Variants in HERC6 observed in about 807,000 individuals in gnomAD.
HERC6 encodes the protein probable E3 ubiquitin-protein ligase HERC6.
A neutral mutation model predicts 114.5 loss-of-function variants in HERC6; 101 were observed. That is an observed-to-expected ratio of 0.88 (90% CI 0.75 to 1.04). The LOEUF (loss-of-function observed/expected upper bound fraction) is 1.04, where lower values mean the gene tolerates loss of function less well. HERC6 is among the 50% of genes least tolerant of loss of function. The probability of loss-of-function intolerance (pLI) is 0.00; values close to 1 mark genes in which losing one functional copy is unlikely to be tolerated. For synonymous variants in HERC6, 408 were observed against 436.2 expected, an observed-to-expected ratio of 0.94 and a Z score of 0.81; for missense variants, 1,133 against 1,230.9, an observed-to-expected ratio of 0.92 and a Z score of 1.19.
chr4:88,382,429 G>A (rs987812613), intron 1 of HERC6, among the ~76,000 whole-genome samples: 5 of 152,116 alleles, frequency 3.3e-5, no homozygotes, highest in African/African-American at 1.2e-4. Context: ...ATTTCCTTCT[G>A]AGCAAGGGAT....
intron 3 of HERC6, 147 bp downstream of exon 3, chr4:88,385,722 C>A: frequency 1.8e-6 from 1 of 568,398 alleles, no homozygotes; most frequent in Non-Finnish European, 3.1e-6. Context: ...CTATTTTTTT[C>A]TCAAATTTCT....
chr4:88,407,271 G>C (rs752729353), intron 10 of HERC6, among the ~76,000 whole-genome samples: 1 of 151,066 alleles, frequency 6.6e-6, no homozygotes, highest in East Asian at 2.0e-4. Flanking sequence ...GTAGAGACAG[G>C]GTTTCACCAC....
intron 3 of HERC6, among the ~76,000 whole-genome samples, chr4:88,386,095 A>T (rs1734560470): frequency 2.0e-5 from 3 of 151,718 alleles, no homozygotes; most frequent in African/African-American, 7.3e-5. Context: ...AGGAGGAAAA[A>T]TTTTTCCTCT....
intron 1 of HERC6, among the ~76,000 whole-genome samples, chr4:88,379,911 A>T (rs1441531856): frequency 3.4e-4 from 7 of 20,430 alleles, no homozygotes; most frequent in Non-Finnish European, 3.5e-4. Context: ...AATATATATA[A>T]TATATAAATA....
chr4:88,430,004 A>T (rs1738022478), intron 16 of HERC6, among the ~76,000 whole-genome samples: 1 of 152,190 alleles, frequency 6.6e-6, no homozygotes, highest in South Asian at 2.1e-4. Flanking sequence ...AATGAGCAGA[A>T]ATAGGAAAAT....
In HERC6 at chr4:88,393,582, G is replaced by T. The variant is rs1387242071; in HGVS notation, c.759G>T (p.Gln253His). The change falls in exon 5 of 23, where the codon CAG becomes CAT. Residue 253 changes from glutamine to histidine, a missense_variant and splice_region_variant. Physicochemically the swap from Gln to His is conservative, Grantham distance 24. Around this residue, in one of 3 missense-constraint regions of HERC6, gnomAD observed 735 missense variants for 754.0 expected, o/e 0.97. Transcript: ENST00000264346. ...CGDAHTAVLT[Q>H]DGKVFTFGDN... is the part of the protein sequence containing the mutation. ...ATGCACACACTGCGGTGCTTACCCAGGTAATCCAAAACGTGTTGCTATTTT... is the reference window on the plus strand; with the variant it reads ...ATGCACACACTGCGGTGCTTACCCATGTAATCCAAAACGTGTTGCTATTTT... 3 of 1,600,086 alleles carry T rather than the reference G, an allele frequency of 1.9e-6. No homozygotes were observed. Among genetic ancestry groups the T allele is most frequent in the Non-Finnish European group, 2.6e-6 (3 of 1,168,876 alleles).
At chr4:88,424,324 C>T (rs142696133) in intron 14 of HERC6, among the ~76,000 whole-genome samples, 3 of 151,914 alleles carry the variant, frequency 2.0e-5, no homozygotes, top group Non-Finnish European at 2.9e-5. Context: ...CTGTCTCTAT[C>T]GAAAAAATAC....
chr4:88,394,536 T>TTAC (rs903403078), intron 5 of HERC6, among the ~76,000 whole-genome samples: 4 of 148,670 alleles, frequency 2.7e-5, no homozygotes, highest in African/African-American at 9.9e-5. Context: ...GCAATTATTA[T>TTAC]TATTATTATT....
At chr4:88,429,123 G>A (rs1049383622) in intron 16 of HERC6, among the ~76,000 whole-genome samples, 1 of 152,216 alleles carries the variant, frequency 6.6e-6, no homozygotes, top group African/African-American at 2.4e-5. Context: ...TCTGGGAGTT[G>A]GCTAGGGACT....
intron 14 of HERC6, 90 bp downstream of exon 14, chr4:88,424,063 C>T: frequency 3.2e-6 from 2 of 628,800 alleles, no homozygotes; most frequent in East Asian, 6.9e-5. Flanking sequence ...TTTGATAAAT[C>T]AGGATTTGAA....
chr4:88,429,130 G>C (rs1317748732), intron 16 of HERC6, among the ~76,000 whole-genome samples: 1 of 152,210 alleles, frequency 6.6e-6, no homozygotes, highest in Non-Finnish European at 1.5e-5. Context: ...GTTGGCTAGG[G>C]ACTGGCTGAC....
chr4:88,430,805 T>C (rs368054084), intron 16 of HERC6, among the ~76,000 whole-genome samples: 2 of 152,062 alleles, frequency 1.3e-5, no homozygotes, highest in South Asian at 2.1e-4. Context: ...AATGATGAGA[T>C]GGACAACAAG....
rs1235796408 is a variant in HERC6, at chr4:88,413,302, T to C, written c.1558+36T>C. The C allele has an allele frequency of 8.0e-6, 12 of 1,495,154 alleles. No homozygotes were observed. The Admixed American group carries it at 1.4e-4, about 17-fold the overall frequency. The allele number at this position is 1,495,154 out of a possible 1,614,324, so 92.6% of individuals were successfully genotyped here. ...TGTCACTTTATCTGTACTCTCAATA[T>C]AGAGTCACTCTCTGAAGTAGACGTT... On this transcript the variant is annotated intron_variant, in intron 12 of 22. Transcript: ENST00000264346.
At chr4:88,384,170 C>T (rs921972993) in intron 2 of HERC6, among the ~76,000 whole-genome samples, 1 of 152,144 alleles carries the variant, frequency 6.6e-6, no homozygotes, top group South Asian at 2.1e-4. Flanking sequence ...ATCAAAAAGC[C>T]CAATAGAACC....
intron 2 of HERC6, among the ~76,000 whole-genome samples, chr4:88,384,364 GT>G (rs1178609296): frequency 6.6e-6 from 1 of 152,168 alleles, no homozygotes; most frequent in Non-Finnish European, 1.5e-5. Context: ...TGGAAGAGAA[GT>G]TTTTTTCTCA....
At chr4:88,441,336 T>C (rs1168971178) in intron 22 of HERC6, among the ~76,000 whole-genome samples, 4 of 152,252 alleles carry the variant, frequency 2.6e-5, no homozygotes, top group African/African-American at 9.6e-5. Flanking sequence ...TTTGTATCTA[T>C]TACCTACCTT....
At chr4:88,400,328 A>T (rs1735465823) in intron 8 of HERC6, among the ~76,000 whole-genome samples, 1 of 152,112 alleles carries the variant, frequency 6.6e-6, no homozygotes, top group Non-Finnish European at 1.5e-5. Flanking sequence ...CAGCCTCCCG[A>T]GTAGCCAGGG....
rs111670008 is a variant in HERC6, at chr4:88,378,949, A to G, written c.28A>G (p.Arg10Gly). MYFCWGADS[R>G]ELQRRRTAGS... is the part of the protein sequence containing the mutation. ...GTACTTCTGTTGGGGCGCCGACTCC[A>G]GGGAGCTGCAGCGCCGGAGGACGGC... is the stretch of plus-strand genomic sequence containing the variant. Residue 10 changes from arginine (R) to glycine (G), a missense_variant, in exon 1 of 23, where the codon AGG becomes GGG. By Grantham distance (125) the Arg-to-Gly change is moderately radical (BLOSUM62 -2). Around this residue, in one of 3 missense-constraint regions of HERC6, gnomAD observed 735 missense variants for 754.0 expected, o/e 0.97. Transcript: ENST00000264346. The G allele has an allele frequency of 0.044, 70,249 of 1,594,406 alleles. 1,825 individuals carry two copies. The highest frequency in any genetic ancestry group is 0.13 in the Middle Eastern group (765 of 6,032).
chr4:88,389,761 A>C (rs1177683827), intron 3 of HERC6, among the ~76,000 whole-genome samples: 1 of 152,148 alleles, frequency 6.6e-6, no homozygotes, highest in Non-Finnish European at 1.5e-5. Context: ...AATTAAATAG[A>C]AGTAGAATAG....
Sources: allele counts gnomAD v4.1 joint callset (sites outside exome capture counted in the v4.1 genomes callset), GRCh38; gene constraint gnomAD v4.1.1; regional missense constraint gnomAD v4.1.1; transcripts MANE v1.5; gene names NCBI Gene and HGNC (gene_info 2026-07-23, HGNC 2026-07-21).